PPP1R12B: variants seen among roughly 807,000 people sequenced by gnomAD.
The protein encoded by PPP1R12B is myosin phosphatase target subunit 2.
A neutral mutation model predicts 126.1 loss-of-function variants in PPP1R12B; 76 were observed. The ratio of observed to expected loss-of-function variants is 0.60; its 90% CI spans 0.50 to 0.73. The LOEUF is 0.73. PPP1R12B is among the 30% of genes least tolerant of loss of function. The probability of loss-of-function intolerance (pLI) is 0.00; values close to 1 mark genes in which losing one functional copy is unlikely to be tolerated. For synonymous variants in PPP1R12B, 356 were observed against 434.7 expected, an observed-to-expected ratio of 0.82 and a Z score of 2.25; for missense variants, 1,052 against 1,205.1, an observed-to-expected ratio of 0.87 and a Z score of 1.88.
intron 1 of PPP1R12B, among the ~76,000 whole-genome samples, chr1:202,415,101 A>C (rs781252545): frequency 5.9e-5 from 9 of 152,148 alleles, no homozygotes; most frequent in Non-Finnish European, 1.3e-4. Context: ...TCCTAGAATC[A>C]ACCATCATAC....
chr1:202,437,043 C>T (rs1196093512), intron 9 of PPP1R12B, among the ~76,000 whole-genome samples: 1 of 152,138 alleles, frequency 6.6e-6, no homozygotes, highest in African/African-American at 2.4e-5. Flanking sequence ...TAAATTAGCT[C>T]ATTCCTGGCA....
At chr1:202,401,361 A>ATTTTTT (rs34810265) in intron 1 of PPP1R12B, among the ~76,000 whole-genome samples, 832 of 71,490 alleles carry the variant, frequency 0.012, 42 homozygotes, top group Middle Eastern at 0.016. Flanking sequence ...GGCTAATTTA[A>ATTTTTT]TTTTTTTTTT....
chr1:202,384,588 G>T (rs1027854191), intron 1 of PPP1R12B, among the ~76,000 whole-genome samples: 2 of 152,156 alleles, frequency 1.3e-5, no homozygotes, highest in African/African-American at 4.8e-5. Context: ...ATGGAACAGG[G>T]TTTCTCTTTG....
intron 1 of PPP1R12B, among the ~76,000 whole-genome samples, chr1:202,392,150 A>T (rs1022585081): frequency 2.0e-5 from 3 of 151,802 alleles, no homozygotes; most frequent in African/African-American, 7.3e-5. Flanking sequence ...CTGAAGATAA[A>T]TGAAAACATG....
chr1:202,373,324 T>C lies in PPP1R12B; in HGVS notation c.291+24182T>C, dbSNP rs1278439814. On this transcript the variant is annotated intron_variant, in intron 1 of 23. Coordinates refer to ENST00000608999, the MANE Select transcript of PPP1R12B (RefSeq NM_002481.4). ...TTTTGATGGTGTCTAATTTCTCTAATTTTTCAGAGAAAAATTTGAGAATTT... is the reference window on the plus strand; with the variant it reads ...TTTTGATGGTGTCTAATTTCTCTAACTTTTCAGAGAAAAATTTGAGAATTT... 2.0e-5 allele frequency among the ~76,000 whole-genome samples: 3 copies of C among 152,200 alleles called. No individual in the cohort carries two copies. In the East Asian group the frequency reaches 5.8e-4, roughly 29 times the overall value.
At position 202,565,026 on chromosome 1, in the gene PPP1R12B, A is replaced by ACAAC. The variant is rs1338080552; in HGVS notation, c.2757+480_2757+483dup. On this transcript the variant is annotated intron_variant, in intron 21 of 23. Transcript: ENST00000608999. The surrounding 1 kb of genome is among the most constrained non-coding windows in gnomAD (Gnocchi z 4.3). ...ACAAATCAAGGGCAAAGGTGGTGCC[A>ACAAC]CAACATAGGGTTAAGTCCCAAAGCA... 1.3e-5 allele frequency among the ~76,000 whole-genome samples: 2 copies of ACAAC among 152,244 alleles called. No individual in the cohort carries two copies. The highest frequency in any genetic ancestry group is 3.8e-4 in the East Asian group (2 of 5,198).
intron 2 of PPP1R12B, among the ~76,000 whole-genome samples, chr1:202,421,005 C>T (rs1002159643): frequency 7.6e-6 from 1 of 131,136 alleles, no homozygotes; most frequent in African/African-American, 3.0e-5. Context: ...GAGTCTTGCT[C>T]TGTCACCCAG....
intron 1 of PPP1R12B, 82 bp downstream of exon 1, chr1:202,349,224 C>T: frequency 2.6e-6 from 4 of 1,520,320 alleles, no homozygotes; most frequent in South Asian, 1.2e-5. Flanking sequence ...TGGGGAGTAT[C>T]AGTGTTGCCG....
At chr1:202,470,251 A>G (rs1675662982) in intron 13 of PPP1R12B, among the ~76,000 whole-genome samples, 1 of 152,158 alleles carries the variant, frequency 6.6e-6, no homozygotes. Context: ...ATGGCGGACC[A>G]ATTTTTTTCT....
chr1:202,430,723 A>G lies in PPP1R12B; in HGVS notation c.922-8A>G, dbSNP rs747860477. On this transcript the variant is annotated splice_region_variant and splice_polypyrimidine_tract_variant and intron_variant, in intron 6 of 23. Coordinates refer to ENST00000608999, the MANE Select transcript of PPP1R12B (RefSeq NM_002481.4). ...CTTCCCTTTTCTCTCTGTTTTCTCC[A>G]TTTCCAGCTTCGAAGTGAAAAGGAG... 6.8e-6 allele frequency: 11 copies of G among 1,611,580 alleles called. No homozygotes were observed. The highest frequency in any genetic ancestry group is 5.0e-5 in the Admixed American group (3 of 59,784).
chr1:202,555,663 G>C (rs531350656), intron 18 of PPP1R12B, among the ~76,000 whole-genome samples: 1 of 152,010 alleles, frequency 6.6e-6, no homozygotes, highest in African/African-American at 2.4e-5. Context: ...TACCTAAGAC[G>C]ATGTGGAAAG....
chr1:202,456,400 T>C (rs1558252158), intron 13 of PPP1R12B, among the ~76,000 whole-genome samples: 1 of 152,168 alleles, frequency 6.6e-6, no homozygotes, highest in Non-Finnish European at 1.5e-5. Flanking sequence ...AAATTCATAG[T>C]TGAATTCAGA....
chr1:202,438,554 C>T (rs1457136920), intron 10 of PPP1R12B: 5 of 432,280 alleles, frequency 1.2e-5, no homozygotes, highest in East Asian at 5.6e-5. Context: ...GGACAGCCCC[C>T]GGTGGAAGAG....
chr1:202,430,915 C>T (rs758053379), intron 7 of PPP1R12B, 105 bp downstream of exon 7: 33 of 1,438,268 alleles, frequency 2.3e-5, no homozygotes, highest in Non-Finnish European at 2.7e-5. Context: ...TGTATTTAGC[C>T]GAGTGATCTA....
At chr1:202,554,147 A>C (rs538248696) in intron 18 of PPP1R12B, among the ~76,000 whole-genome samples, 1 of 152,196 alleles carries the variant, frequency 6.6e-6, no homozygotes, top group Non-Finnish European at 1.5e-5. Context: ...CTAGGGTATC[A>C]AGAAGCCAAG....
chr1:202,536,281 A>G (rs1684518429), intron 18 of PPP1R12B, among the ~76,000 whole-genome samples: 1 of 152,226 alleles, frequency 6.6e-6, no homozygotes, highest in African/African-American at 2.4e-5. Context: ...CTACACACCT[A>G]GGCTATATGG....
chr1:202,370,310 C>T (rs566436198), intron 1 of PPP1R12B, among the ~76,000 whole-genome samples: 1 of 152,146 alleles, frequency 6.6e-6, no homozygotes, highest in African/African-American at 2.4e-5. Context: ...TCATTTTTCA[C>T]GTATCCATAG....
intron 9 of PPP1R12B, among the ~76,000 whole-genome samples, chr1:202,437,062 G>A (rs1422215275): frequency 1.3e-5 from 2 of 152,128 alleles, no homozygotes; most frequent in Non-Finnish European, 2.9e-5. Flanking sequence ...CAGGGCATGG[G>A]TTCATGCCTG....
intron 18 of PPP1R12B, among the ~76,000 whole-genome samples, chr1:202,534,370 T>G (rs866170023): frequency 6.6e-6 from 1 of 152,310 alleles, no homozygotes; most frequent in Middle Eastern, 3.4e-3. Flanking sequence ...GAAACAATGA[T>G]CTGGGCACTA....
Sources: gnomAD v4.1 joint callset for allele counts (sites outside exome capture counted in the v4.1 genomes callset) on GRCh38, gnomAD v4.1.1 for gene constraint, Gnocchi (gnomAD v3.1) non-coding constraint, MANE v1.5 for transcripts, NCBI Gene and HGNC (gene_info 2026-07-23, HGNC 2026-07-21) for gene names.